The following WDR49 variants were observed in gnomAD, a reference collection of about 807,000 sequenced individuals.
WDR49 encodes the protein WD repeat domain 49.
In WDR49, 107 loss-of-function variants were observed where a neutral mutation model predicts 119.5. That is an observed-to-expected ratio of 0.90 (90% CI 0.77 to 1.05). The LOEUF is 1.05. Ranked by LOEUF, WDR49 falls within the 50% of genes least tolerant of loss-of-function variation. The pLI, the probability that WDR49 is intolerant of heterozygous loss-of-function variation, is 0.00. For synonymous variants in WDR49, 425 were observed against 418.8 expected, an observed-to-expected ratio of 1.01 and a Z score of -0.18; for missense variants, 1,240 against 1,220.5, an observed-to-expected ratio of 1.02 and a Z score of -0.24.
At chr3:167,500,748 T>C (rs1328573202) in intron 17 of WDR49, among the ~76,000 whole-genome samples, 1 of 152,214 alleles carries the variant, frequency 6.6e-6, no homozygotes, top group Non-Finnish European at 1.5e-5. Context: ...TGCGTTATTG[T>C]ATTTATTATG....
At chr3:167,526,350 G>A (rs765407899) in intron 15 of WDR49, among the ~76,000 whole-genome samples, 4 of 152,106 alleles carry the variant, frequency 2.6e-5, no homozygotes, top group Non-Finnish European at 4.4e-5. Flanking sequence ...GTTATTTCTT[G>A]GTTCGACCCC....
At chr3:167,641,926 G>GA (rs916944512) in intron 2 of WDR49, among the ~76,000 whole-genome samples, 3 of 138,098 alleles carry the variant, frequency 2.2e-5, no homozygotes, top group South Asian at 2.2e-4. Context: ...ATGTGAGAGA[G>GA]AAAAAAAGGT....
intron 8 of WDR49, chr3:167,575,373 G>A (rs549491668): frequency 5.5e-5 from 46 of 831,094 alleles, no homozygotes; most frequent in Non-Finnish European, 6.2e-5. Flanking sequence ...CCAAGGCTGC[G>A]GAGCGTCATT....
At chr3:167,535,892 G>A (rs1225512151) in intron 11 of WDR49, among the ~76,000 whole-genome samples, 2 of 152,104 alleles carry the variant, frequency 1.3e-5, no homozygotes, top group Non-Finnish European at 2.9e-5. Context: ...CACTGGAATA[G>A]TATTCAGCCA....
At chr3:167,608,646 T>C (rs1432614102) in intron 5 of WDR49, among the ~76,000 whole-genome samples, 1 of 152,138 alleles carries the variant, frequency 6.6e-6, no homozygotes, top group Admixed American at 6.5e-5. Flanking sequence ...AATCAAATTA[T>C]CTGATAAATA....
chr3:167,584,418 T>C (rs1016629124), intron 7 of WDR49, among the ~76,000 whole-genome samples: 6 of 152,152 alleles, frequency 3.9e-5, no homozygotes, highest in Non-Finnish European at 1.5e-5. Flanking sequence ...ATAGGGCTTT[T>C]CATGGGAATG....
intron 16 of WDR49, among the ~76,000 whole-genome samples, chr3:167,512,032 G>A (rs1484436148): frequency 6.6e-6 from 1 of 152,162 alleles, no homozygotes; most frequent in Middle Eastern, 3.2e-3. Context: ...CCTTCTGCTG[G>A]CTCTGAGGAA....
chr3:167,542,380 A>G (rs929850452), intron 10 of WDR49, among the ~76,000 whole-genome samples: 5 of 152,068 alleles, frequency 3.3e-5, no homozygotes, highest in African/African-American at 7.2e-5. Context: ...TACAACATAA[A>G]ATAGGTGAAA....
At chr3:167,496,390 T>C (rs1751354189) in intron 18 of WDR49, among the ~76,000 whole-genome samples, 1 of 152,026 alleles carries the variant, frequency 6.6e-6, no homozygotes, top group African/African-American at 2.4e-5. Flanking sequence ...TGTAGCTTTC[T>C]TAGCACACCA....
At chr3:167,530,133 G>C (rs1752793054) in intron 13 of WDR49, among the ~76,000 whole-genome samples, 1 of 151,958 alleles carries the variant, frequency 6.6e-6, no homozygotes, top group Non-Finnish European at 1.5e-5. Context: ...TTGTTTCAAA[G>C]TTTATTCTAA....
chr3:167,615,683 A>G (rs1325615231), intron 5 of WDR49, among the ~76,000 whole-genome samples: 1 of 152,310 alleles, frequency 6.6e-6, no homozygotes, highest in East Asian at 1.9e-4. Context: ...TTTAAAAAAG[A>G]AAAAAGGAAG....
intron 10 of WDR49, among the ~76,000 whole-genome samples, chr3:167,541,371 G>A (rs1211475440): frequency 6.6e-6 from 1 of 152,164 alleles, no homozygotes; most frequent in African/African-American, 2.4e-5. Context: ...AACCCTACAA[G>A]CCAGAAGGGA....
intron 10 of WDR49, among the ~76,000 whole-genome samples, chr3:167,537,784 T>C (rs1158807799): frequency 6.6e-6 from 1 of 152,162 alleles, no homozygotes; most frequent in Non-Finnish European, 1.5e-5. Flanking sequence ...CAGCCTATAC[T>C]AAGCCTCTTG....
upstream of WDR49, among the ~76,000 whole-genome samples, chr3:167,655,980 C>T (rs961396044): frequency 6.6e-6 from 1 of 152,000 alleles, no homozygotes; most frequent in African/African-American, 2.4e-5. Flanking sequence ...CTGGTGCCTG[C>T]CATAAGGGCT....
At chr3:167,550,591 A>G (rs1475657786) in intron 10 of WDR49, among the ~76,000 whole-genome samples, 3 of 152,014 alleles carry the variant, frequency 2.0e-5, no homozygotes, top group East Asian at 3.9e-4. Context: ...GGATATGTTA[A>G]TTAGTTTGAT....
At position 167,506,028 on chromosome 3, in the gene WDR49, T is replaced by G. The variant is rs555737888; in HGVS notation, c.2775-612A>C. On this transcript the variant is annotated intron_variant, in intron 16 of 18. Coordinates refer to ENST00000682715, the MANE Select transcript of WDR49 (RefSeq NM_001366157.1). ...TATTTAAAATTCACTGTCATAGACT[T>G]CAACCTTAACAGCTACAAGTTATGT... Among the ~76,000 whole-genome samples, 22 of 152,302 alleles carry G rather than the reference T, an allele frequency of 1.4e-4. No individual in the cohort carries two copies. In the East Asian group the frequency reaches 3.9e-3, roughly 27 times the overall value.
At chr3:167,547,052 C>CA (rs1033879207) in intron 10 of WDR49, among the ~76,000 whole-genome samples, 1 of 151,446 alleles carries the variant, frequency 6.6e-6, no homozygotes, top group African/African-American at 2.4e-5. Context: ...TTGTGAATTT[C>CA]AAAAATACCT....
At chr3:167,516,739 T>A (rs1752223468) in intron 16 of WDR49, among the ~76,000 whole-genome samples, 1 of 152,126 alleles carries the variant, frequency 6.6e-6, no homozygotes, top group African/African-American at 2.4e-5. Context: ...ACTAACGACC[T>A]TCTGCACAGC....
chr3:167,562,831 G>A (rs1327867294), intron 8 of WDR49, among the ~76,000 whole-genome samples: 1 of 152,182 alleles, frequency 6.6e-6, no homozygotes, highest in Admixed American at 6.5e-5. Context: ...AATATTCATA[G>A]TAACTACTTC....
Sources: allele counts gnomAD v4.1 joint callset (sites outside exome capture counted in the v4.1 genomes callset), GRCh38; gene constraint gnomAD v4.1.1; transcripts MANE v1.5; gene names NCBI Gene and HGNC (gene_info 2026-07-23, HGNC 2026-07-21).